FOSL2: variants seen among roughly 807,000 people sequenced by gnomAD.
The protein encoded by FOSL2 is FOS like 2, AP-1 transcription factor subunit, also known as fos-related antigen 2.
A neutral mutation model predicts 27.7 loss-of-function variants in FOSL2; 3 were observed. The ratio of observed to expected loss-of-function variants is 0.11; its 90% CI spans 0.05 to 0.28. FOSL2 has a LOEUF of 0.28. Among genes scored for constraint, FOSL2 ranks in the 10% least tolerant of loss-of-function variants. The pLI is 1.00. For missense variants in FOSL2, 333 were observed against 445.1 expected (o/e 0.75, Z 2.27); for synonymous variants, 179 against 190.1 (o/e 0.94, Z 0.48).
At position 28,412,095 on chromosome 2, in the gene FOSL2, C is replaced by A; in HGVS notation, c.628C>A (p.Arg210Ser). Residue 210 changes from arginine to serine, a missense_variant, in exon 4 of 4, where the codon CGC becomes AGC. By Grantham distance (110) the Arg-to-Ser change is moderately radical. Transcript: ENST00000264716. This position sits in a 1 kb window ranked among gnomAD's most constrained non-coding sequence, Gnocchi z 7.1. Reference sequence around the variant, plus strand: ...CCCAGCCCCTGGGCTGCAGCCCATGCGCAGTGGGGGTGGCTCGGTGGGCGC... The same window carrying A: ...CCCAGCCCCTGGGCTGCAGCCCATGAGCAGTGGGGGTGGCTCGGTGGGCGC... ...SPPAPGLQPM[R>S]SGGGSVGAVV... 1 of 1,606,282 alleles carries A rather than the reference C, an allele frequency of 6.2e-7. No individual in the cohort carries two copies. The highest frequency in any genetic ancestry group is 8.5e-7 in the Non-Finnish European group (1 of 1,179,714).
intron 1 of FOSL2, chr2:28,396,813 C>CACACACACAA (rs1663850987): frequency 6.1e-5 from 9 of 148,378 alleles, no homozygotes; most frequent in African/African-American, 2.1e-4. Context: ...CACACACACA[C>CACACACACAA]ACACACACAC....
At position 28,393,875 on chromosome 2, in the gene FOSL2, C is replaced by G. The variant is rs1222053523; in HGVS notation, c.102+53C>G. The G allele has an allele frequency of 1.3e-5, 15 of 1,132,918 alleles. No individual in the cohort carries two copies. Among genetic ancestry groups the G allele is most frequent in the Non-Finnish European group, 1.8e-5 (14 of 785,954 alleles). 70.2% of individuals were successfully genotyped at this position (1,132,918 alleles called of 1,614,324 possible). A position where few individuals can be genotyped will look rare whatever the true frequency, so the allele number is the denominator to read the frequency against. The stretch of plus-strand genomic sequence containing the variant: ...GGCGCGGGCGGACCCCTGCCCTCTT[C>G]TCGCCGCCACTGCCTCTTTTGCTTT... On this transcript the variant is annotated intron_variant, in intron 1 of 3. Transcript: ENST00000264716. This position sits in a 1 kb window ranked among gnomAD's most constrained non-coding sequence, Gnocchi z 4.6.
intron 2 of FOSL2, among the ~76,000 whole-genome samples, chr2:28,405,714 G>A (rs61345518): frequency 0.012 from 1,654 of 136,324 alleles, 30 homozygotes; most frequent in African/African-American, 0.039. Context: ...GCAGAACCAC[G>A]GTGCAGAGCC....
chr2:28,408,749 T>C lies in FOSL2; in HGVS notation c.355-10T>C. ...CTGTTCTAACCATGATCCTTGGCTTTGGCCTCTAGCTGTCTCCTGAAGAGG... is the reference window on the plus strand; with the variant it reads ...CTGTTCTAACCATGATCCTTGGCTTCGGCCTCTAGCTGTCTCCTGAAGAGG... On this transcript the variant is annotated splice_polypyrimidine_tract_variant and intron_variant, in intron 2 of 3. Coordinates refer to ENST00000264716, the MANE Select transcript of FOSL2 (RefSeq NM_005253.4). This position sits in a 1 kb window ranked among gnomAD's most constrained non-coding sequence, Gnocchi z 4.1. 6.3e-7 allele frequency: 1 copy of C among 1,594,572 alleles called. No individual in the cohort carries two copies. Among genetic ancestry groups the C allele is most frequent in the Non-Finnish European group, 8.6e-7 (1 of 1,167,262 alleles).
rs142348187 is a variant in FOSL2 at position 28,412,334 on chromosome 2, G to A, written c.867G>A (p.Glu289=). 330 of 1,613,720 alleles carry A rather than the reference G, an allele frequency of 2.0e-4. 2 individuals carry two copies. In the African/African-American group the frequency reaches 3.7e-3, roughly 18 times the overall value. ...NLVFTYPSVL[E]QESPASPSES... is the part of the protein sequence containing the mutation. ...TCTTCACCTATCCTAGCGTCCTGGA[G>A]CAGGAGTCACCCGCATCTCCCTCCG... The change falls in exon 4 of 4, where the codon GAG becomes GAA. Residue 289 remains glutamate, a synonymous_variant. Transcript: ENST00000264716. This position sits in a 1 kb window ranked among gnomAD's most constrained non-coding sequence, Gnocchi z 7.1.
In FOSL2 at chr2:28,393,012, C is replaced by G. The variant is rs189740937; in HGVS notation, c.-709C>G. ...GGCGGGCCCGTCCGGGAGCGGGCTC[C>G]GGGGAAGGGGTGCGGGTCTGGGCGC... is the stretch of plus-strand genomic sequence containing the variant. On this transcript the variant is annotated 5_prime_UTR_variant, in exon 1 of 4. Coordinates refer to ENST00000264716, the MANE Select transcript of FOSL2 (RefSeq NM_005253.4). The surrounding 1 kb of genome is among the most constrained non-coding windows in gnomAD (Gnocchi z 4.6). 7.1e-3 allele frequency: 4,386 copies of G among 617,544 alleles called. 31 individuals carry two copies. The highest frequency in any genetic ancestry group is 9.2e-3 in the Non-Finnish European group (3,088 of 334,558). 38.3% of individuals were successfully genotyped at this position (617,544 alleles called of 1,614,324 possible). A position where few individuals can be genotyped will look rare whatever the true frequency, so the allele number is the denominator to read the frequency against.
In FOSL2 at chr2:28,404,369, G is replaced by C. The variant is rs1323083884; in HGVS notation, c.354+11G>C. Reference sequence around the variant, plus strand: ...AGGAGAGATGAGCAGGTACAGCTCAGACCAGTGGGAAGGAGCCACGTCAGT... The same window carrying C: ...AGGAGAGATGAGCAGGTACAGCTCACACCAGTGGGAAGGAGCCACGTCAGT... On this transcript the variant is annotated intron_variant, in intron 2 of 3. Transcript: ENST00000264716. This position sits in a 1 kb window ranked among gnomAD's most constrained non-coding sequence, Gnocchi z 4.7. 2.5e-6 allele frequency: 4 copies of C among 1,608,012 alleles called. No homozygotes were observed. The highest frequency in any genetic ancestry group is 3.4e-6 in the Non-Finnish European group (4 of 1,175,900).
chr2:28,409,137 C>T (rs549492251), intron 3 of FOSL2, among the ~76,000 whole-genome samples: 6 of 152,262 alleles, frequency 3.9e-5, no homozygotes, highest in South Asian at 4.1e-4. Flanking sequence ...ACGGTTTTTA[C>T]GCAGCACCTG....
rs1284807700 is a variant in FOSL2 at position 28,393,183 on chromosome 2, G to T, written c.-538G>T. 3.8e-6 allele frequency: 1 copy of T among 263,640 alleles called. No homozygotes were observed. Among genetic ancestry groups the T allele is most frequent in the Non-Finnish European group, 7.1e-6 (1 of 141,554 alleles). The allele number at this position is 263,640 out of a possible 1,614,324, so 16.3% of individuals were successfully genotyped here. A position where few individuals can be genotyped will look rare whatever the true frequency, so the allele number is the denominator to read the frequency against. On this transcript the variant is annotated 5_prime_UTR_variant, in exon 1 of 4. Coordinates refer to ENST00000264716, the MANE Select transcript of FOSL2 (RefSeq NM_005253.4). The surrounding 1 kb of genome is among the most constrained non-coding windows in gnomAD (Gnocchi z 4.6). ...GTATCCGAGCCGCCCCGAAACTCGG[G>T]CGGCGAGTCGGCCACGGGAAGTTTA...
chr2:28,407,181 G>T (rs1664102466), intron 2 of FOSL2, among the ~76,000 whole-genome samples: 1 of 152,202 alleles, frequency 6.6e-6, no homozygotes. Flanking sequence ...CATTAGCGAG[G>T]GATCTAGGGG....
rs1201616545 is a variant in FOSL2 at position 28,415,302 on chromosome 2, A to G, written c.*2854A>G. The G allele has an allele frequency of 6.6e-6, 1 of 152,224 alleles. No homozygotes were observed. The highest frequency in any genetic ancestry group is 1.9e-4 in the East Asian group (1 of 5,188). The allele number at this position is 152,224 out of a possible 1,614,324, so 9.4% of individuals were successfully genotyped here. On this transcript the variant is annotated 3_prime_UTR_variant, in exon 4 of 4. Transcript: ENST00000264716. The stretch of plus-strand genomic sequence containing the variant: ...AATAGTCCTCTCCCTGGCCAGTTGA[A>G]TGGGGGAAGCTGCTGGCACAGGAAG...
rs1047184523 is a variant in FOSL2 at position 28,413,833 on chromosome 2, G to A, written c.*1385G>A. ...TGTCGCTGTGGCTTGTGGCTCATGC[G>A]CCATTCCTGGTTGTCTGTTGAATCT... is the stretch of plus-strand genomic sequence containing the variant. On this transcript the variant is annotated 3_prime_UTR_variant, in exon 4 of 4. Coordinates refer to ENST00000264716, the MANE Select transcript of FOSL2 (RefSeq NM_005253.4). The A allele has an allele frequency of 1.3e-5, 5 of 398,798 alleles. No individual in the cohort carries two copies. Among genetic ancestry groups the A allele is most frequent in the South Asian group, 2.5e-4 (2 of 7,866 alleles). The allele number at this position is 398,798 out of a possible 1,614,324, so 24.7% of individuals were successfully genotyped here. A position where few individuals can be genotyped will look rare whatever the true frequency, so the allele number is the denominator to read the frequency against.
rs72195155 is a variant in FOSL2, at chr2:28,392,945, GGAGAGAGA to G, written c.-762_-755del. Reference sequence around the variant, plus strand: ...CGGCGCTCGGCGGGGACAGAAAGAGGGAGAGAGAGAGAGAGAGAGAGGGAGAGGCGCGG... The same window carrying G: ...CGGCGCTCGGCGGGGACAGAAAGAGGGAGAGAGAGAGAGGGAGAGGCGCGG... On this transcript the variant is annotated 5_prime_UTR_variant, in exon 1 of 4. Coordinates refer to ENST00000264716, the MANE Select transcript of FOSL2 (RefSeq NM_005253.4). 1.9e-4 allele frequency: 129 copies of G among 676,382 alleles called. No homozygotes were observed. The highest frequency in any genetic ancestry group is 9.4e-4 in the African/African-American group (51 of 54,398). 41.9% of individuals were successfully genotyped at this position (676,382 alleles called of 1,614,324 possible).
chr2:28,408,881 G>C lies in FOSL2; in HGVS notation c.462+15G>C. 1 of 1,581,338 alleles carries C rather than the reference G, an allele frequency of 6.3e-7. No individual in the cohort carries two copies. The stretch of plus-strand genomic sequence containing the variant: ...AGCTGCAGGCGGTGAGGAACTCTGC[G>C]TAGGGTGGGAGCACCTCTGGGTGGG... On this transcript the variant is annotated intron_variant, in intron 3 of 3. Coordinates refer to ENST00000264716, the MANE Select transcript of FOSL2 (RefSeq NM_005253.4). The surrounding 1 kb of genome is among the most constrained non-coding windows in gnomAD (Gnocchi z 4.1).
At position 28,394,898 on chromosome 2, in the gene FOSL2, C is replaced by T. The variant is rs563128092; in HGVS notation, c.102+1076C>T. 5.9e-5 allele frequency among the ~76,000 whole-genome samples: 9 copies of T among 152,256 alleles called. No homozygotes were observed. The South Asian group carries it at 1.0e-3, about 18-fold the overall frequency. ...CAAGGGATGCTCATGCTCCATAAGG[C>T]GGTGGCCTTGGCCTCTAGAAGGGGC... On this transcript the variant is annotated intron_variant, in intron 1 of 3. Transcript: ENST00000264716.
intron 1 of FOSL2, among the ~76,000 whole-genome samples, chr2:28,403,546 C>T (rs985148827): frequency 1.3e-5 from 2 of 152,190 alleles, no homozygotes; most frequent in African/African-American, 4.8e-5. Flanking sequence ...TTTTCACGGA[C>T]CTGGCTGTGC....
At chr2:28,411,631 G>A (rs1299039399) in intron 3 of FOSL2, among the ~76,000 whole-genome samples, 1 of 152,182 alleles carries the variant, frequency 6.6e-6, no homozygotes, top group Non-Finnish European at 1.5e-5. Context: ...AAAAACTCCT[G>A]GAAGATTGAA....
Position 28,408,467 on chromosome 2 carries a change from A to G in FOSL2, c.355-292A>G, listed in dbSNP as rs1664127839. 6.6e-6 allele frequency among the ~76,000 whole-genome samples: 1 copy of G among 152,184 alleles called. No individual in the cohort carries two copies. Among genetic ancestry groups the G allele is most frequent in the Admixed American group, 6.5e-5 (1 of 15,282 alleles). On this transcript the variant is annotated intron_variant, in intron 2 of 3. Transcript: ENST00000264716. This position sits in a 1 kb window ranked among gnomAD's most constrained non-coding sequence, Gnocchi z 4.1. ...CAGGGCTGATGTGATAGGTGCTGCC[A>G]TCATGCCTGGGCCAGTGAATCTCTG...
intron 2 of FOSL2, among the ~76,000 whole-genome samples, chr2:28,405,274 C>T (rs570263228): frequency 1.3e-5 from 2 of 152,304 alleles, no homozygotes; most frequent in East Asian, 3.9e-4. Context: ...GCCAGACATA[C>T]CTGTGTGTGG....
Sources: gnomAD v4.1 joint callset for allele counts (sites outside exome capture counted in the v4.1 genomes callset) on GRCh38, gnomAD v4.1.1 for gene constraint, Gnocchi (gnomAD v3.1) non-coding constraint, MANE v1.5 for transcripts, NCBI Gene and HGNC (gene_info 2026-07-23, HGNC 2026-07-21) for gene names.